The following RBMS3 variants were observed in gnomAD, a reference collection of about 807,000 sequenced individuals.
RBMS3 encodes the protein RNA binding motif single stranded interacting protein 3, also known as RNA-binding motif, single-stranded-interacting protein 3.
A neutral mutation model predicts 66.8 loss-of-function variants in RBMS3; 27 were observed. The ratio of observed to expected loss-of-function variants is 0.40; its 90% CI spans 0.30 to 0.56. RBMS3 has a LOEUF of 0.56. RBMS3 is among the 20% of genes least tolerant of loss of function. The pLI is 0.40. For missense variants in RBMS3, 513 were observed against 549.5 expected (o/e 0.93, Z 0.66); for synonymous variants, 188 against 183.0 (o/e 1.03, Z -0.22).
chr3:29,960,463 A>T (rs1423366687), intron 12 of RBMS3, among the ~76,000 whole-genome samples: 1 of 152,090 alleles, frequency 6.6e-6, no homozygotes, highest in East Asian at 1.9e-4. Context: ...CTGTTGGTGG[A>T]TCTACCATTC....
At chr3:29,964,225 T>C (rs1465648667) in intron 12 of RBMS3, among the ~76,000 whole-genome samples, 1 of 152,190 alleles carries the variant, frequency 6.6e-6, no homozygotes, top group Non-Finnish European at 1.5e-5. Flanking sequence ...CTAATAGAAA[T>C]AGGGTATTTG....
At chr3:29,659,420 T>G (rs1161280831) in intron 4 of RBMS3, among the ~76,000 whole-genome samples, 2 of 152,182 alleles carry the variant, frequency 1.3e-5, no homozygotes, top group Non-Finnish European at 2.9e-5. Context: ...CAACAGCCAT[T>G]CTATTTTCTG....
At chr3:29,803,719 C>T (rs1257627042) in intron 6 of RBMS3, among the ~76,000 whole-genome samples, 1 of 151,746 alleles carries the variant, frequency 6.6e-6, no homozygotes, top group Non-Finnish European at 1.5e-5. Context: ...AATATATAGA[C>T]ACACATACAC....
chr3:29,753,383 G>T (rs769962865), intron 5 of RBMS3, among the ~76,000 whole-genome samples: 10 of 152,158 alleles, frequency 6.6e-5, no homozygotes, highest in Non-Finnish European at 1.3e-4. Flanking sequence ...TGGTAGGTGA[G>T]CAATGCCCAT....
intron 2 of RBMS3, among the ~76,000 whole-genome samples, chr3:29,471,196 GTTTCTGTTTTTCTGCAT>G (rs1330103009): frequency 1.3e-5 from 2 of 152,146 alleles, no homozygotes; most frequent in Non-Finnish European, 2.9e-5. Flanking sequence ...TAATTTACAT[GTTTCTGTTTTTCTGCAT>G]TTTCCAACTC....
intron 6 of RBMS3, among the ~76,000 whole-genome samples, chr3:29,769,743 A>G (rs916375385): frequency 1.3e-5 from 2 of 151,824 alleles, no homozygotes; most frequent in African/African-American, 4.8e-5. Context: ...GTATAGTTTC[A>G]TGAATTAAAT....
In RBMS3 at chr3:29,714,380, A is replaced by G. The variant is rs149698895; in HGVS notation, c.400-25340A>G. Among the ~76,000 whole-genome samples, 462 of 152,350 alleles carry G rather than the reference A, an allele frequency of 3.0e-3. 2 individuals carry two copies. Among genetic ancestry groups the G allele is most frequent in the African/African-American group, 9.9e-3 (411 of 41,594 alleles). On this transcript the variant is annotated intron_variant, in intron 4 of 14. Coordinates refer to ENST00000383767, the MANE Select transcript of RBMS3 (RefSeq NM_001003793.3). ...AACAGATGGGTTAAAGTTACCATTT[A>G]TAAGACAGACCGGCTGGGAAAGAGT...
chr3:29,884,471 C>CTCTCT (rs1553692504), intron 8 of RBMS3, among the ~76,000 whole-genome samples: 893 of 38,896 alleles, frequency 0.023, 102 homozygotes, highest in African/African-American at 0.055. Flanking sequence ...TCTCTCTCTC[C>CTCTCT]CCCCCCGCTC....
At chr3:29,930,480 G>A (rs2061090588) in intron 10 of RBMS3, among the ~76,000 whole-genome samples, 1 of 151,894 alleles carries the variant, frequency 6.6e-6, no homozygotes, top group East Asian at 1.9e-4. Flanking sequence ...GGAGCTTATG[G>A]ATATATGTAT....
chr3:29,822,942 C>T (rs1043994608), intron 6 of RBMS3, among the ~76,000 whole-genome samples: 5 of 152,064 alleles, frequency 3.3e-5, no homozygotes, highest in African/African-American at 9.7e-5. Flanking sequence ...GAAAGGAATG[C>T]TTAGTAAAAT....
chr3:29,575,815 CA>C (rs1454351556), intron 3 of RBMS3, among the ~76,000 whole-genome samples: 3 of 151,968 alleles, frequency 2.0e-5, no homozygotes, highest in Non-Finnish European at 4.4e-5. Flanking sequence ...ATGTCATTTG[CA>C]TTTTTAAACT....
intron 6 of RBMS3, among the ~76,000 whole-genome samples, chr3:29,846,315 G>A (rs2058774854): frequency 6.6e-6 from 1 of 152,048 alleles, no homozygotes; most frequent in East Asian, 1.9e-4. Context: ...ATATTTTGAA[G>A]GTAGAGTTAA....
chr3:29,634,805 G>C lies in RBMS3; in HGVS notation c.399+47600G>C, dbSNP rs552433902. Among the ~76,000 whole-genome samples, 16 of 151,882 alleles carry C rather than the reference G, an allele frequency of 1.1e-4. No homozygotes were observed. In the South Asian group the frequency reaches 3.3e-3, roughly 32 times the overall value. ...CCTATTCCTTTAGGTTAGAAAAACA[G>C]GTTCTTCCAAAGCACCACCCTTTCC... On this transcript the variant is annotated intron_variant, in intron 4 of 14. Coordinates refer to ENST00000383767, the MANE Select transcript of RBMS3 (RefSeq NM_001003793.3).
At chr3:29,449,202 A>C (rs140048598) in intron 2 of RBMS3, among the ~76,000 whole-genome samples, 1 of 152,200 alleles carries the variant, frequency 6.6e-6, no homozygotes, top group Non-Finnish European at 1.5e-5. Context: ...CTAACAATAC[A>C]ACATACCTAT....
intron 3 of RBMS3, among the ~76,000 whole-genome samples, chr3:29,495,320 C>G (rs1368417059): frequency 1.3e-5 from 2 of 151,752 alleles, no homozygotes; most frequent in African/African-American, 4.8e-5. Context: ...TTAGGCCATA[C>G]ACTTGGATGA....
At chr3:29,948,761 A>C (rs1695487052) in intron 12 of RBMS3, among the ~76,000 whole-genome samples, 1 of 151,668 alleles carries the variant, frequency 6.6e-6, no homozygotes, top group African/African-American at 2.4e-5. Flanking sequence ...GAGTTAATTG[A>C]TTTTTTCTTT....
chr3:29,992,362 G>A (rs1179608428), intron 14 of RBMS3, among the ~76,000 whole-genome samples: 1 of 152,120 alleles, frequency 6.6e-6, no homozygotes, highest in African/African-American at 2.4e-5. Context: ...CGAGGCGGGC[G>A]GATCACGAGG....
intron 6 of RBMS3, among the ~76,000 whole-genome samples, chr3:29,812,025 T>C (rs1017354246): frequency 6.6e-6 from 1 of 152,180 alleles, no homozygotes. Context: ...TTGTTGTAAG[T>C]CCATATATTA....
At chr3:29,621,992 A>G (rs1208571824) in intron 4 of RBMS3, among the ~76,000 whole-genome samples, 1 of 152,218 alleles carries the variant, frequency 6.6e-6, no homozygotes, top group Non-Finnish European at 1.5e-5. Context: ...GATGAAATAA[A>G]AAATAAGATT....
Sources: gnomAD v4.1 joint callset for allele counts (sites outside exome capture counted in the v4.1 genomes callset) on GRCh38, gnomAD v4.1.1 for gene constraint, MANE v1.5 for transcripts, NCBI Gene and HGNC (gene_info 2026-07-23, HGNC 2026-07-21) for gene names.